Variants in PLXNA1 observed in about 807,000 individuals in gnomAD.
PLXNA1 encodes plexin A1.
In PLXNA1, 77 loss-of-function variants were observed where a neutral mutation model predicts 191.7. The ratio of observed to expected loss-of-function variants is 0.40; its 90% confidence interval spans 0.33 to 0.49. PLXNA1 has a LOEUF of 0.49. Among genes scored for constraint, PLXNA1 ranks in the 20% least tolerant of loss-of-function variants. The pLI is 0.63. For missense variants in PLXNA1, 2,110 were observed against 2,660.2 expected, an observed-to-expected ratio of 0.79 and a Z score of 4.55; for synonymous variants, 1,137 against 1,156.4, an observed-to-expected ratio of 0.98 and a Z score of 0.34.
At chr3:127,018,229 G>T (rs968120802) in intron 19 of PLXNA1, 65 bp from the exon 20 acceptor site, 4 of 1,411,472 alleles carry the variant, frequency 2.8e-6, no homozygotes, top group East Asian at 2.5e-5. Flanking sequence ...CTTGCCCATC[G>T]GGAGGGGCTC....
At chr3:126,985,470 C>T (rs1337609096) in intron 1 of PLXNA1, among the ~76,000 whole-genome samples, 1 of 152,128 alleles carries the variant, frequency 6.6e-6, no homozygotes, top group Non-Finnish European at 1.5e-5. Flanking sequence ...GTTTCCCACC[C>T]CAGGCCTTTG....
At chr3:127,005,043 G>A in intron 6 of PLXNA1, 35 bp downstream of exon 6, 1 of 1,609,598 alleles carries the variant, frequency 6.2e-7, no homozygotes, top group Non-Finnish European at 8.5e-7. Context: ...AGGGGTGGGG[G>A]ACAGCCATGG....
Position 127,033,995 on chromosome 3 carries a change from A to C in PLXNA1, c.5669A>C (p.Asp1890Ala), listed in dbSNP as rs1354118009. ...RLRSKLEQVV[D>A]TMALSS ...CGGAGCAAGCTGGAGCAGGTGGTGGACACGATGGCCCTGAGCAGCTGAGCC... is the reference window on the plus strand; with the variant it reads ...CGGAGCAAGCTGGAGCAGGTGGTGGCCACGATGGCCCTGAGCAGCTGAGCC... The change falls in exon 32 of 32, where the codon GAC (aspartate) becomes GCC (alanine). Residue 1890 changes from aspartate (D) to alanine (A), a missense_variant. Asp to Ala is a moderately radical substitution (Grantham distance 126). Transcript: ENST00000393409. The C allele has an allele frequency of 6.2e-7, 1 of 1,603,684 alleles. No homozygotes were observed. The highest frequency in any genetic ancestry group is 1.3e-5 in the African/African-American group (1 of 74,940).
rs777083095 is a variant in PLXNA1 at position 127,029,485 on chromosome 3, G to A, written c.4819G>A (p.Ala1607Thr). The change falls in exon 27 of 32, where the codon GCC becomes ACC. Residue 1607 changes from alanine to threonine, a missense_variant. By Grantham distance (58) the Ala-to-Thr change is moderately conservative (BLOSUM62 0). Transcript: ENST00000393409. ...SVALVPKQTSAYNISNSSTFT... is the reference protein window; with the variant it reads ...SVALVPKQTSTYNISNSSTFT... ...GGCACTGGTGCCCAAGCAGACGTCC[G>A]CCTACAACATCTCCAACTCCTCCAC... 30 of 1,613,800 alleles carry A rather than the reference G, an allele frequency of 1.9e-5. No individual in the cohort carries two copies. Among genetic ancestry groups the A allele is most frequent in the African/African-American group, 5.3e-5 (4 of 74,922 alleles).
chr3:126,993,427 C>G (rs928731371), intron 3 of PLXNA1, among the ~76,000 whole-genome samples: 6 of 152,208 alleles, frequency 3.9e-5, no homozygotes, highest in African/African-American at 7.2e-5. Flanking sequence ...CTCCTTGAGC[C>G]TGGCTTTGTG....
Position 127,017,035 on chromosome 3 carries a change from A to G in PLXNA1, c.3274A>G (p.Asn1092Asp). 6.2e-7 allele frequency: 1 copy of G among 1,612,624 alleles called. No homozygotes were observed. Among genetic ancestry groups the G allele is most frequent in the Non-Finnish European group, 8.5e-7 (1 of 1,179,424 alleles). The change falls in exon 17 of 32, where the codon AAC (asparagine) becomes GAC (aspartate). Residue 1092 changes from asparagine (N) to aspartate (D), a missense_variant and splice_region_variant. Around this residue, in one of 4 missense-constraint regions of PLXNA1, gnomAD observed 644 missense variants for 714.3 expected, o/e 0.90. Transcript: ENST00000393409. ...CAAGTATGGAGGCATTGAGAGGGAG[A>G]ACGTGAGTCCCTGCCCTCAGCTGCC... ...RAKYGGIERE[N>D]GCLVYNDTTM... is the part of the protein sequence containing the mutation.
chr3:127,013,926 C>G (rs1315037551), intron 10 of PLXNA1, 94 bp from the exon 11 acceptor site: 12 of 1,137,992 alleles, frequency 1.1e-5, no homozygotes, highest in African/African-American at 1.5e-5. Context: ...GAAACTTCCC[C>G]CTAAGCTGGC....
At chr3:127,003,573 C>A in intron 4 of PLXNA1, 103 bp downstream of exon 4, 1 of 1,298,148 alleles carries the variant, frequency 7.7e-7, no homozygotes, top group Non-Finnish European at 1.0e-6. Context: ...ACAAGTTGGG[C>A]GTCCATGGCT....
At chr3:127,031,530 C>T (rs188758039) in intron 29 of PLXNA1, among the ~76,000 whole-genome samples, 3 of 152,320 alleles carry the variant, frequency 2.0e-5, no homozygotes, top group African/African-American at 7.2e-5. Flanking sequence ...TCTTAGCTCC[C>T]CTCTCTCCTG....
At chr3:127,015,388 T>C in intron 15 of PLXNA1, 68 bp downstream of exon 15, 1 of 1,541,736 alleles carries the variant, frequency 6.5e-7, no homozygotes, top group South Asian at 1.2e-5. Flanking sequence ...TGCATGCCCC[T>C]TCTTGTTGCC....
intron 9 of PLXNA1, among the ~76,000 whole-genome samples, chr3:127,010,351 A>C (rs879852759): frequency 1.6e-4 from 24 of 152,188 alleles, no homozygotes; most frequent in Non-Finnish European, 3.4e-4. Flanking sequence ...GCCTCCTGTC[A>C]GAGTCAGAGT....
rs2079243102 is a variant in PLXNA1, at chr3:127,036,371, GA to G, written c.*2356del. 6.5e-6 allele frequency: 1 copy of G among 152,702 alleles called. No individual in the cohort carries two copies. 9.5% of individuals were successfully genotyped at this position (152,702 alleles called of 1,614,324 possible). On this transcript the variant is annotated 3_prime_UTR_variant, in exon 32 of 32. Transcript: ENST00000393409. Reference sequence around the variant, plus strand: ...GGGTGGTGGGGACGGCAGTGGTGATGAAGGGGGTGCACCACAGGCCTCATGA... The same window carrying G: ...GGGTGGTGGGGACGGCAGTGGTGATGAGGGGGTGCACCACAGGCCTCATGA...
In PLXNA1 at chr3:127,029,059, A is replaced by G. The variant is rs1433530264; in HGVS notation, c.4736A>G (p.Asn1579Ser). The change falls in exon 26 of 32, where the codon AAC becomes AGC. Residue 1579 changes from asparagine (N) to serine (S), a missense_variant. Physicochemically the swap from Asn to Ser is conservative, Grantham distance 46. Coordinates refer to ENST00000393409, the MANE Select transcript of PLXNA1 (RefSeq NM_032242.4). ...GAGGACGTCACCACCAAGATTGACA[A>G]CGATTGGAAGAGGCTGAACACACTG... is the stretch of plus-strand genomic sequence containing the variant. ...QDEDVTTKID[N>S]DWKRLNTLAH... 1 of 1,613,652 alleles carries G rather than the reference A, an allele frequency of 6.2e-7. No homozygotes were observed. Among genetic ancestry groups the G allele is most frequent in the East Asian group, 2.2e-5 (1 of 44,860 alleles).
rs551718238 is a variant in PLXNA1, at chr3:127,001,888, G to A, written c.1378-1442G>A. Among the ~76,000 whole-genome samples, 289 of 152,354 alleles carry A rather than the reference G, an allele frequency of 1.9e-3. 1 individual carries two copies. Among genetic ancestry groups the A allele is most frequent in the African/African-American group, 6.6e-3 (275 of 41,590 alleles). ...CAGAGGCTGGTCCTGGCTGGCATCCGCCTGGGTCTGAGTACCTGCCTCTGG... is the reference window on the plus strand; with the variant it reads ...CAGAGGCTGGTCCTGGCTGGCATCCACCTGGGTCTGAGTACCTGCCTCTGG... On this transcript the variant is annotated intron_variant, in intron 3 of 31. Transcript: ENST00000393409.
Position 127,012,843 on chromosome 3 carries a change from G to A in PLXNA1, c.2313+685G>A, listed in dbSNP as rs112834489. 7.2e-5 allele frequency among the ~76,000 whole-genome samples: 11 copies of A among 152,354 alleles called. No individual in the cohort carries two copies. The South Asian group carries it at 1.2e-3, about 17-fold the overall frequency. On this transcript the variant is annotated intron_variant, in intron 10 of 31. Coordinates refer to ENST00000393409, the MANE Select transcript of PLXNA1 (RefSeq NM_032242.4). The stretch of plus-strand genomic sequence containing the variant: ...AGTTGGAGGCCTGGGCTGAAGTCCT[G>A]CACTCCCAGTAGGCCTCTGTCTCCC...
chr3:127,029,972 G>T lies in PLXNA1; in HGVS notation c.4969G>T (p.Val1657Leu), dbSNP rs1306075362. Residue 1657 changes from valine to leucine, a missense_variant, in exon 28 of 32, where the codon GTG becomes TTG. By Grantham distance (32) the Val-to-Leu change is conservative. This residue lies in a region of PLXNA1 where 559 missense variants were observed against 911.5 expected (regional missense o/e 0.61). Transcript: ENST00000393409. ...LESGTKLWHL[V>L]KNHDHLDQRE... is the part of the protein sequence containing the mutation. Reference sequence around the variant, plus strand: ...GAGCGGCACCAAGCTGTGGCACCTGGTGAAGAACCACGACCACCTGGACCA... The same window carrying T: ...GAGCGGCACCAAGCTGTGGCACCTGTTGAAGAACCACGACCACCTGGACCA... 2 of 1,613,764 alleles carry T rather than the reference G, an allele frequency of 1.2e-6. No individual in the cohort carries two copies. Among genetic ancestry groups the T allele is most frequent in the Non-Finnish European group, 1.7e-6 (2 of 1,179,960 alleles).
rs1336535967 is a variant in PLXNA1 at position 127,034,692 on chromosome 3, T to C, written c.*675T>C. 6.5e-6 allele frequency: 1 copy of C among 152,674 alleles called. No homozygotes were observed. Among genetic ancestry groups the C allele is most frequent in the Non-Finnish European group, 1.5e-5 (1 of 68,074 alleles). 9.5% of individuals were successfully genotyped at this position (152,674 alleles called of 1,614,324 possible). ...CCCAGAGAGGCTCTGCTCCCTCCTA[T>C]GGAGGGGCTGTGGGCCAGGCTGCTC... On this transcript the variant is annotated 3_prime_UTR_variant, in exon 32 of 32. Coordinates refer to ENST00000393409, the MANE Select transcript of PLXNA1 (RefSeq NM_032242.4).
chr3:127,015,053 G>T, intron 14 of PLXNA1, 131 bp from the exon 15 acceptor site: 2 of 1,394,350 alleles, frequency 1.4e-6, no homozygotes, highest in Non-Finnish European at 1.9e-6. Flanking sequence ...GCTCTGAAGT[G>T]CAGCTCCCGG....
At chr3:127,021,069 C>A (rs958006571) in intron 21 of PLXNA1, among the ~76,000 whole-genome samples, 3 of 152,180 alleles carry the variant, frequency 2.0e-5, no homozygotes, top group Non-Finnish European at 2.9e-5. Context: ...GCTGAGGGCA[C>A]CCCCCAACCG....
Sources: gnomAD v4.1 joint callset for allele counts (sites outside exome capture counted in the v4.1 genomes callset) on GRCh38, gnomAD v4.1.1 for gene constraint, gnomAD v4.1.1 regional missense constraint, MANE v1.5 for transcripts, NCBI Gene and HGNC (gene_info 2026-07-23, HGNC 2026-07-21) for gene names.